The following RBFOX2 variants were observed in gnomAD, a reference collection of about 807,000 sequenced individuals.
RBFOX2 encodes the protein RNA binding fox-1 homolog 2.
In RBFOX2, 10 loss-of-function variants were observed where a neutral mutation model predicts 49.1. That is an observed-to-expected ratio of 0.20 (90% CI 0.13 to 0.35). The LOEUF (loss-of-function observed/expected upper bound fraction) is 0.35, where lower values mean the gene tolerates loss of function less well. Among genes scored for constraint, RBFOX2 ranks in the 10% least tolerant of loss-of-function variants. The probability of loss-of-function intolerance (pLI) is 1.00; values close to 1 mark genes in which losing one functional copy is unlikely to be tolerated. For synonymous variants in RBFOX2, 183 were observed against 187.4 expected (o/e 0.98, Z 0.19); for missense variants, 323 against 486.9 (o/e 0.66, Z 3.17).
chr22:35,888,095 A>G (rs2046812355), intron 1 of RBFOX2, among the ~76,000 whole-genome samples: 1 of 151,992 alleles, frequency 6.6e-6, no homozygotes, highest in Admixed American at 6.6e-5. Flanking sequence ...CCTTAGTCTA[A>G]CTCATTTGGC....
chr22:36,016,677 C>G (rs1245488185), intron 1 of RBFOX2, among the ~76,000 whole-genome samples: 1 of 152,220 alleles, frequency 6.6e-6, no homozygotes, highest in East Asian at 1.9e-4. Flanking sequence ...TGAACACACC[C>G]ATGTGGAAGT....
chr22:36,020,295 C>G (rs867133524), intron 1 of RBFOX2, among the ~76,000 whole-genome samples: 1 of 152,140 alleles, frequency 6.6e-6, no homozygotes. Flanking sequence ...CATAAAAACC[C>G]TAGAAGAAAA....
chr22:35,930,317 G>A (rs1241450399), intron 1 of RBFOX2, among the ~76,000 whole-genome samples: 1 of 151,892 alleles, frequency 6.6e-6, no homozygotes, highest in Non-Finnish European at 1.5e-5. Context: ...CACTGCGCTG[G>A]CCATAGAGCT....
At chr22:35,792,915 AG>A (rs1025780362) in intron 2 of RBFOX2, among the ~76,000 whole-genome samples, 35 of 152,380 alleles carry the variant, frequency 2.3e-4, no homozygotes, top group Admixed American at 1.2e-3. Flanking sequence ...CAGATTTGTT[AG>A]CACTTAAAGT....
chr22:35,745,501 C>A (rs1260538593), intron 11 of RBFOX2, among the ~76,000 whole-genome samples: 2 of 152,192 alleles, frequency 1.3e-5, no homozygotes, highest in Non-Finnish European at 2.9e-5. Flanking sequence ...GCAGAGACAT[C>A]CTTTAGATTT....
chr22:35,901,319 C>G (rs889270919), intron 1 of RBFOX2, among the ~76,000 whole-genome samples: 1 of 152,058 alleles, frequency 6.6e-6, no homozygotes, highest in Admixed American at 6.6e-5. Context: ...TATAAATAAC[C>G]CTGCACTCTA....
intron 1 of RBFOX2, among the ~76,000 whole-genome samples, chr22:35,849,286 CAT>C (rs1426897889): frequency 6.8e-4 from 91 of 133,386 alleles, no homozygotes; most frequent in African/African-American, 3.0e-3. Flanking sequence ...CACACACACA[CAT>C]ACACACACAA....
intron 8 of RBFOX2, among the ~76,000 whole-genome samples, chr22:35,760,524 G>A (rs1047991521): frequency 2.0e-5 from 3 of 152,084 alleles, no homozygotes; most frequent in Non-Finnish European, 4.4e-5. Flanking sequence ...GCACATAATA[G>A]TCTTTAGACA....
chr22:35,990,503 T>C (rs1259309904), intron 1 of RBFOX2, among the ~76,000 whole-genome samples: 1 of 152,124 alleles, frequency 6.6e-6, no homozygotes. Context: ...ATGAGAGAAC[T>C]GAAGAGTCTT....
chr22:35,916,828 G>A (rs571342592), intron 1 of RBFOX2, among the ~76,000 whole-genome samples: 2 of 150,766 alleles, frequency 1.3e-5, no homozygotes, highest in African/African-American at 2.4e-5. Flanking sequence ...CCGAGATCAC[G>A]CCACTGCACT....
intron 1 of RBFOX2, among the ~76,000 whole-genome samples, chr22:35,848,206 A>T (rs1205376573): frequency 6.6e-6 from 1 of 152,168 alleles, no homozygotes; most frequent in African/African-American, 2.4e-5. Flanking sequence ...ATTTACTTGT[A>T]AAAAGACCTG....
intron 2 of RBFOX2, among the ~76,000 whole-genome samples, chr22:35,791,458 G>A (rs1480173654): frequency 1.3e-5 from 2 of 151,736 alleles, no homozygotes; most frequent in Non-Finnish European, 2.9e-5. Flanking sequence ...CACTAAAAAT[G>A]TTTAACTGGT....
At position 35,761,585 on chromosome 22, in the gene RBFOX2, T is replaced by C. The variant is rs1044785700; in HGVS notation, c.608-117A>G. On this transcript the variant is annotated intron_variant, in intron 6 of 11. Coordinates refer to ENST00000405409, the Ensembl canonical transcript of RBFOX2. ...GCTATTTTTGCCTATTATCAACTTC[T>C]CTTTGGAATTCCAGCTTGGGGTTTA... is the stretch of plus-strand genomic sequence containing the variant. The C allele has an allele frequency of 1.5e-5, 15 of 991,754 alleles. No individual in the cohort carries two copies. In the African/African-American group the frequency reaches 2.4e-4, roughly 16 times the overall value. The allele number at this position is 991,754 out of a possible 1,614,324, so 61.4% of individuals were successfully genotyped here. A position where few individuals can be genotyped will look rare whatever the true frequency, so the allele number is the denominator to read the frequency against.
intron 1 of RBFOX2, among the ~76,000 whole-genome samples, chr22:36,025,445 G>C (rs2059395645): frequency 6.6e-6 from 1 of 151,984 alleles, no homozygotes; most frequent in African/African-American, 2.4e-5. Flanking sequence ...AATTATAGTT[G>C]TTGATTTATT....
At chr22:35,792,868 A>ACTATGCATGT (rs1948035503) in intron 2 of RBFOX2, among the ~76,000 whole-genome samples, 1 of 152,250 alleles carries the variant, frequency 6.6e-6, no homozygotes, top group Non-Finnish European at 1.5e-5. Flanking sequence ...ATAGTATCTC[A>ACTATGCATGT]AAAAACAAGA....
chr22:35,752,545 A>T (rs1188729939), intron 9 of RBFOX2: 1 of 838,038 alleles, frequency 1.2e-6, no homozygotes. Context: ...TGGAATGGTT[A>T]GTATAATTCA....
At chr22:35,947,320 G>A (rs1455835337) in intron 1 of RBFOX2, among the ~76,000 whole-genome samples, 2 of 152,120 alleles carry the variant, frequency 1.3e-5, no homozygotes, top group Non-Finnish European at 2.9e-5. Flanking sequence ...TGTGCTGCCA[G>A]TCATATAAAA....
At chr22:35,897,021 C>G (rs2047932140) in intron 1 of RBFOX2, among the ~76,000 whole-genome samples, 2 of 152,226 alleles carry the variant, frequency 1.3e-5, no homozygotes, top group African/African-American at 4.8e-5. Flanking sequence ...CAACACTCCC[C>G]ATACCATACT....
At chr22:35,815,905 A>T (rs927036143) in intron 1 of RBFOX2, among the ~76,000 whole-genome samples, 1 of 151,886 alleles carries the variant, frequency 6.6e-6, no homozygotes, top group African/African-American at 2.4e-5. Flanking sequence ...CCTTTGTTTA[A>T]AAAAAAAGAG....
Sources: gnomAD v4.1 joint callset for allele counts (sites outside exome capture counted in the v4.1 genomes callset) on GRCh38, gnomAD v4.1.1 for gene constraint, MANE v1.5 for transcripts, NCBI Gene and HGNC (gene_info 2026-07-23, HGNC 2026-07-21) for gene names.